Variants in AGPAT3 observed in about 807,000 individuals in gnomAD.
The protein encoded by AGPAT3 is 1-acylglycerol-3-phosphate O-acyltransferase 3.
In AGPAT3, 5 loss-of-function variants were observed where a neutral mutation model predicts 47.3. That is an observed-to-expected ratio of 0.11 (90% confidence interval 0.06 to 0.22). AGPAT3 has a LOEUF of 0.22. AGPAT3 is among the 10% of genes least tolerant of loss of function. AGPAT3 has a pLI of 1.00. For synonymous variants in AGPAT3, 212 were observed against 208.3 expected (o/e 1.02, Z -0.15); for missense variants, 315 against 493.0 (o/e 0.64, Z 3.42).
At chr21:43,895,601 A>C (rs28449714) in intron 1 of AGPAT3, among the ~76,000 whole-genome samples, 1 of 150,218 alleles carries the variant, frequency 6.7e-6, no homozygotes, top group East Asian at 2.0e-4. Context: ...TTTAAAAAAA[A>C]ATTTTTTTTT....
At chr21:43,977,835 A>C (rs2089677320) in intron 7 of AGPAT3, among the ~76,000 whole-genome samples, 3 of 151,892 alleles carry the variant, frequency 2.0e-5, no homozygotes, top group Admixed American at 2.0e-4. Flanking sequence ...TGCAGTGAGC[A>C]GAGATCGCAC....
At chr21:43,974,892 C>A (rs1330663306) in intron 7 of AGPAT3, among the ~76,000 whole-genome samples, 1 of 152,208 alleles carries the variant, frequency 6.6e-6, no homozygotes. Context: ...GCCAGTTGAA[C>A]CTGGGGCCAA....
intron 8 of AGPAT3, 44 bp from the exon 9 acceptor site, chr21:43,980,945 G>A: frequency 6.7e-7 from 1 of 1,495,948 alleles, no homozygotes; most frequent in South Asian, 1.1e-5. Context: ...ATAATAGCTT[G>A]TAAAGAAGCC....
At chr21:43,929,343 A>G (rs1245178169) in intron 2 of AGPAT3, among the ~76,000 whole-genome samples, 1 of 152,138 alleles carries the variant, frequency 6.6e-6, no homozygotes, top group Non-Finnish European at 1.5e-5. Context: ...CCCTGTCCCC[A>G]TGTGGATTGG....
chr21:43,950,810 A>C (rs2088156720), intron 2 of AGPAT3: 1 of 152,270 alleles, frequency 6.6e-6, no homozygotes, highest in South Asian at 2.1e-4. Context: ...AGCCCGTCAC[A>C]CTTGTCCACG....
Position 43,934,580 on chromosome 21 carries a change from A to G in AGPAT3, c.-48-25054A>G, listed in dbSNP as rs2087368629. Among the ~76,000 whole-genome samples, 1 of 152,150 alleles carries G rather than the reference A, an allele frequency of 6.6e-6. No homozygotes were observed. The highest frequency in any genetic ancestry group is 1.5e-5 in the Non-Finnish European group (1 of 68,026). ...CCCCGTGGGGTAACCAGAAGGTAAG[A>G]CTAGGAGGTGTGCGATGGTGATGGG... is the stretch of plus-strand genomic sequence containing the variant. On this transcript the variant is annotated intron_variant, in intron 2 of 9. Transcript: ENST00000291572. The surrounding 1 kb of genome is among the most constrained non-coding windows in gnomAD (Gnocchi z 4.7).
chr21:43,919,520 C>T (rs752649887), intron 2 of AGPAT3, among the ~76,000 whole-genome samples: 7 of 152,148 alleles, frequency 4.6e-5, no homozygotes, highest in Non-Finnish European at 8.8e-5. Context: ...ATATGGACCA[C>T]GTGTTCTTTA....
Position 43,954,954 on chromosome 21 carries a change from G to A in AGPAT3, c.-48-4680G>A, listed in dbSNP as rs575463685. On this transcript the variant is annotated intron_variant, in intron 2 of 9. Transcript: ENST00000291572. The surrounding 1 kb of genome is among the most constrained non-coding windows in gnomAD (Gnocchi z 4.0). ...TCAGGTGATGGACCAGAGACTGGCC[G>A]CTTTGTGACACCGAGGACGGTTGAT... The A allele has an allele frequency of 7.7e-6, 8 of 1,041,932 alleles. No individual in the cohort carries two copies. Among genetic ancestry groups the A allele is most frequent in the East Asian group, 8.8e-5 (1 of 11,410 alleles). 64.5% of individuals were successfully genotyped at this position (1,041,932 alleles called of 1,614,324 possible).
At chr21:43,927,046 G>T (rs2087081221) in intron 2 of AGPAT3, among the ~76,000 whole-genome samples, 2 of 149,582 alleles carry the variant, frequency 1.3e-5, no homozygotes, top group African/African-American at 4.9e-5. Context: ...TCAAACTCCT[G>T]ATCTGCCTGC....
chr21:43,918,391 G>A (rs60316193), intron 2 of AGPAT3, among the ~76,000 whole-genome samples: 43,926 of 151,924 alleles, frequency 0.29, 7,472 homozygotes, highest in South Asian at 0.38. Flanking sequence ...TTGCCCCATC[G>A]GCAGTGTCCA....
chr21:43,914,422 A>T (rs563708048), intron 2 of AGPAT3, among the ~76,000 whole-genome samples: 2 of 152,234 alleles, frequency 1.3e-5, no homozygotes, highest in African/African-American at 4.8e-5. Context: ...TTGTGAAATC[A>T]TCTGCCTTTG....
chr21:43,868,448 C>T (rs1044847294), intron 1 of AGPAT3, among the ~76,000 whole-genome samples: 1 of 152,098 alleles, frequency 6.6e-6, no homozygotes, highest in Non-Finnish European at 1.5e-5. Flanking sequence ...GGACAGTGTG[C>T]CTGCAGCCCA....
At chr21:43,951,916 C>T (rs960694499) in intron 2 of AGPAT3, among the ~76,000 whole-genome samples, 2 of 152,058 alleles carry the variant, frequency 1.3e-5, no homozygotes, top group Admixed American at 1.3e-4. Flanking sequence ...GGGATTTTGG[C>T]AAAGAAGGGG....
chr21:43,890,693 G>A (rs2145926015), intron 1 of AGPAT3, among the ~76,000 whole-genome samples: 2 of 147,700 alleles, frequency 1.4e-5, no homozygotes, highest in Middle Eastern at 3.7e-3. Context: ...GATTACAGGT[G>A]TGAGCCACTG....
At chr21:43,867,673 T>A (rs1011576559) in intron 1 of AGPAT3, 1 of 152,278 alleles carries the variant, frequency 6.6e-6, no homozygotes, top group Non-Finnish European at 1.5e-5. Flanking sequence ...GTCCCTGTTA[T>A]AAGGTATCGC....
chr21:43,948,000 C>T (rs946524949), intron 2 of AGPAT3, among the ~76,000 whole-genome samples: 3 of 152,196 alleles, frequency 2.0e-5, no homozygotes, highest in South Asian at 2.1e-4. Context: ...ACGAGCCATT[C>T]GCTTAGAAAA....
intron 7 of AGPAT3, among the ~76,000 whole-genome samples, chr21:43,972,422 A>C (rs2089435767): frequency 6.6e-6 from 1 of 152,194 alleles, no homozygotes; most frequent in Non-Finnish European, 1.5e-5. Flanking sequence ...CTGGGATTAC[A>C]GGTGTGAGCC....
At chr21:43,963,686 T>G (rs2088986124) in intron 3 of AGPAT3, among the ~76,000 whole-genome samples, 2 of 126,660 alleles carry the variant, frequency 1.6e-5, no homozygotes, top group South Asian at 4.8e-4. Flanking sequence ...CCAGCCTGGG[T>G]GACAGAGTGA....
chr21:43,948,560 G>A (rs7277995), intron 2 of AGPAT3, among the ~76,000 whole-genome samples: 18 of 152,152 alleles, frequency 1.2e-4, no homozygotes, highest in African/African-American at 4.1e-4. Flanking sequence ...ACCAGCAAAG[G>A]GGGTAGTGGC....
Sources: gnomAD v4.1 joint callset for allele counts (sites outside exome capture counted in the v4.1 genomes callset) on GRCh38, gnomAD v4.1.1 for gene constraint, Gnocchi (gnomAD v3.1) non-coding constraint, MANE v1.5 for transcripts, NCBI Gene and HGNC (gene_info 2026-07-23, HGNC 2026-07-21) for gene names.